Variants in SMIM19 observed in about 807,000 individuals in gnomAD.
SMIM19 encodes the protein UPF0697 protein C8orf40.
In SMIM19, 6 loss-of-function variants were observed where a neutral mutation model predicts 13.2. The ratio of observed to expected loss-of-function variants is 0.45; its 90% CI spans 0.25 to 0.90. The LOEUF is 0.90. SMIM19 is among the 40% of genes least tolerant of loss of function. The pLI is 0.19. For missense variants in SMIM19, 138 were observed against 131.0 expected (o/e 1.05, Z -0.26); for synonymous variants, 46 against 43.1 (o/e 1.07, Z -0.27).
intron 2 of SMIM19, among the ~76,000 whole-genome samples, chr8:42,546,935 C>T (rs1813512699): frequency 1.6e-5 from 1 of 64,046 alleles, no homozygotes; most frequent in Non-Finnish European, 3.3e-5. Flanking sequence ...GTGGTGTACT[C>T]CAGCCTGGCG....
intron 2 of SMIM19, chr8:42,548,310 C>T: frequency 2.2e-6 from 1 of 446,768 alleles, no homozygotes; most frequent in Non-Finnish European, 4.6e-6. Flanking sequence ...AGTCATTTAG[C>T]TTTATCTGGA....
rs376535727 is a variant in SMIM19, at chr8:42,554,132, A to G, written c.*1524A>G. ...ATTTACTTTTAAAAATGTGTTGTTC[A>G]AAAATGTATATATAGTACAAAGTGA... On this transcript the variant is annotated 3_prime_UTR_variant, in exon 4 of 4. Transcript: ENST00000417410. The G allele has an allele frequency of 4.6e-4, 70 of 152,390 alleles. No individual in the cohort carries two copies. Among genetic ancestry groups the G allele is most frequent in the African/African-American group, 1.7e-3 (69 of 41,596 alleles). 9.4% of individuals were successfully genotyped at this position (152,390 alleles called of 1,614,324 possible).
At position 42,546,420 on chromosome 8, in the gene SMIM19, G is replaced by GCTA. The variant is rs1813484419; in HGVS notation, c.-4-47_-4-45dup. 9.6e-6 allele frequency: 15 copies of GCTA among 1,563,266 alleles called. No individual in the cohort carries two copies. The South Asian group carries it at 1.9e-4, about 19-fold the overall frequency. On this transcript the variant is annotated intron_variant, in intron 1 of 3. Transcript: ENST00000417410. ...GTTTGCCAACCCTTCTCCAGACAGTGCTACCATCATTAATTAAAAGAAACC... is the reference window on the plus strand; with the variant it reads ...GTTTGCCAACCCTTCTCCAGACAGTGCTACTACCATCATTAATTAAAAGAAACC...
At chr8:42,546,936 C>A (rs1176865384) in intron 2 of SMIM19, among the ~76,000 whole-genome samples, 2 of 67,002 alleles carry the variant, frequency 3.0e-5, no homozygotes, top group Non-Finnish European at 6.2e-5. Context: ...TGGTGTACTC[C>A]AGCCTGGCGA....
rs983766800 is a variant in SMIM19, at chr8:42,553,222, C to G, written c.*614C>G. 2 of 152,176 alleles carry G rather than the reference C, an allele frequency of 1.3e-5. No homozygotes were observed. The highest frequency in any genetic ancestry group is 4.8e-5 in the African/African-American group (2 of 41,418). 9.4% of individuals were successfully genotyped at this position (152,176 alleles called of 1,614,324 possible). A position where few individuals can be genotyped will look rare whatever the true frequency, so the allele number is the denominator to read the frequency against. On this transcript the variant is annotated 3_prime_UTR_variant, in exon 4 of 4. Coordinates refer to ENST00000417410, the MANE Select transcript of SMIM19 (RefSeq NM_001135674.2). ...ATTAATGATCTTTGCTTCTTCAGAA[C>G]TTGTATGGTAGACCGTCTTTTCTAC... is the stretch of plus-strand genomic sequence containing the variant.
intron 2 of SMIM19, chr8:42,548,304 A>G (rs774057301): frequency 2.3e-6 from 1 of 443,764 alleles, no homozygotes; most frequent in Non-Finnish European, 4.6e-6. Context: ...CAGCCCAGTC[A>G]TTTAGCTTTA....
Position 42,554,026 on chromosome 8 carries a change from T to TC in SMIM19, c.*1422dup, listed in dbSNP as rs1813751041. On this transcript the variant is annotated 3_prime_UTR_variant, in exon 4 of 4. Transcript: ENST00000417410. ...AATAATGGCTTCAAGTATTTCATTT[T>TC]CCCCTTATTGTGAAATAAACTATAT... The TC allele has an allele frequency of 1.3e-5, 2 of 152,142 alleles. No homozygotes were observed. Among genetic ancestry groups the TC allele is most frequent in the South Asian group, 4.1e-4 (2 of 4,826 alleles). 9.4% of individuals were successfully genotyped at this position (152,142 alleles called of 1,614,324 possible).
At chr8:42,549,885 T>G (rs1424360876) in intron 3 of SMIM19, among the ~76,000 whole-genome samples, 1 of 151,748 alleles carries the variant, frequency 6.6e-6, no homozygotes, top group African/African-American at 2.4e-5. Flanking sequence ...TCACTTGAGG[T>G]CAGGAGTTCG....
chr8:42,549,326 C>T lies in SMIM19; in HGVS notation c.259+546C>T, dbSNP rs577940881. ...ACTCGGGAGGCAGAGGCAGGAGAAT[C>T]GCTCGAACCTGGGAGGCAGAGGTTT... On this transcript the variant is annotated intron_variant, in intron 3 of 3. Transcript: ENST00000417410. Among the ~76,000 whole-genome samples, 164 of 151,966 alleles carry T rather than the reference C, an allele frequency of 1.1e-3. 1 individual carries two copies. Among genetic ancestry groups the T allele is most frequent in the African/African-American group, 3.7e-3 (155 of 41,422 alleles).
At chr8:42,545,561 C>T (rs766223733) in intron 1 of SMIM19, among the ~76,000 whole-genome samples, 6 of 152,252 alleles carry the variant, frequency 3.9e-5, no homozygotes, top group African/African-American at 1.2e-4. Context: ...GATGGAGTCC[C>T]GCTCTGTCAC....
intron 2 of SMIM19, among the ~76,000 whole-genome samples, chr8:42,547,221 G>C (rs564184040): frequency 1.3e-5 from 2 of 152,058 alleles, no homozygotes; most frequent in East Asian, 1.9e-4. Context: ...TTAGCTGGGC[G>C]TGATGGCGTG....
chr8:42,549,077 A>ATG (rs1491285005), intron 3 of SMIM19, among the ~76,000 whole-genome samples: 1 of 152,202 alleles, frequency 6.6e-6, no homozygotes, highest in Non-Finnish European at 1.5e-5. Flanking sequence ...ATGAATAAAC[A>ATG]AAGTGTGGTG....
chr8:42,549,884 G>T (rs1813612250), intron 3 of SMIM19, among the ~76,000 whole-genome samples: 1 of 152,050 alleles, frequency 6.6e-6, no homozygotes, highest in South Asian at 2.1e-4. Flanking sequence ...ATCACTTGAG[G>T]TCAGGAGTTC....
intron 3 of SMIM19, among the ~76,000 whole-genome samples, chr8:42,551,796 T>C (rs1272475901): frequency 6.6e-6 from 1 of 151,684 alleles, no homozygotes; most frequent in East Asian, 2.0e-4. Context: ...TAAAAAAAAT[T>C]AGCTGGGTGT....
intron 1 of SMIM19, among the ~76,000 whole-genome samples, chr8:42,543,812 T>C (rs1210950814): frequency 6.6e-6 from 1 of 152,222 alleles, no homozygotes; most frequent in Non-Finnish European, 1.5e-5. Flanking sequence ...TTGCCTAATT[T>C]GTTAATAACT....
At chr8:42,550,490 C>G (rs377202140) in intron 3 of SMIM19, among the ~76,000 whole-genome samples, 1 of 152,174 alleles carries the variant, frequency 6.6e-6, no homozygotes, top group Non-Finnish European at 1.5e-5. Flanking sequence ...TTTGCCTCCT[C>G]CAGCTTCTCA....
Position 42,542,387 on chromosome 8 carries a change from G to T in SMIM19, c.-5+14G>T. 1.0e-6 allele frequency: 1 copy of T among 973,836 alleles called. No individual in the cohort carries two copies. The highest frequency in any genetic ancestry group is 1.2e-6 in the Non-Finnish European group (1 of 819,484). 60.3% of individuals were successfully genotyped at this position (973,836 alleles called of 1,614,324 possible). A position where few individuals can be genotyped will look rare whatever the true frequency, so the allele number is the denominator to read the frequency against. On this transcript the variant is annotated intron_variant, in intron 1 of 3. Coordinates refer to ENST00000417410, the MANE Select transcript of SMIM19 (RefSeq NM_001135674.2). ...GCCTGTGAGCTTGTATGTACCCTTTGGCTTCAGAATACCAAGCCTTTAGTG... is the reference window on the plus strand; with the variant it reads ...GCCTGTGAGCTTGTATGTACCCTTTTGCTTCAGAATACCAAGCCTTTAGTG...
chr8:42,545,143 ATTTTAC>A (rs1156968432), intron 1 of SMIM19, among the ~76,000 whole-genome samples: 2 of 152,206 alleles, frequency 1.3e-5, no homozygotes, highest in Non-Finnish European at 2.9e-5. Flanking sequence ...ATATTAGGTC[ATTTTAC>A]TTAGACTTAC....
chr8:42,551,841 G>A (rs1040074493), intron 3 of SMIM19, among the ~76,000 whole-genome samples: 1 of 152,154 alleles, frequency 6.6e-6, no homozygotes, highest in Non-Finnish European at 1.5e-5. Context: ...CTACTTGGGA[G>A]GCTGACGTGG....
Sources: allele counts gnomAD v4.1 joint callset (sites outside exome capture counted in the v4.1 genomes callset), GRCh38; gene constraint gnomAD v4.1.1; transcripts MANE v1.5; gene names NCBI Gene and HGNC (gene_info 2026-07-23, HGNC 2026-07-21).